Variants in CHST12 observed in about 807,000 individuals in gnomAD.
The protein encoded by CHST12 is carbohydrate (chondroitin 4) sulfotransferase 12.
In CHST12, 23 loss-of-function variants were observed where a neutral mutation model predicts 27.9. The ratio of observed to expected loss-of-function variants is 0.82; its 90% confidence interval spans 0.59 to 1.17. CHST12 has a LOEUF of 1.17. Ranked by LOEUF, CHST12 falls within the 50% of genes most tolerant of loss-of-function variation. The pLI is 0.00. For synonymous variants in CHST12, 322 were observed against 273.0 expected (o/e 1.18, Z -1.77); for missense variants, 682 against 603.0 (o/e 1.13, Z -1.37).
chr7:2,448,162 C>G lies in CHST12; in HGVS notation c.*14278C>G, dbSNP rs1368106322. The stretch of plus-strand genomic sequence containing the variant: ...GGATTACAGGCATGAGCCGCCGTGC[C>G]TGGCCACAAACATATTTTAAATTTG... On this transcript the variant is annotated 3_prime_UTR_variant, in exon 2 of 2. Coordinates refer to ENST00000618655, the MANE Select transcript of CHST12 (RefSeq NM_018641.5). 2 of 152,262 alleles carry G rather than the reference C, an allele frequency of 1.3e-5. No individual in the cohort carries two copies. Among genetic ancestry groups the G allele is most frequent in the Non-Finnish European group, 2.9e-5 (2 of 68,074 alleles). 9.4% of individuals were successfully genotyped at this position (152,262 alleles called of 1,614,324 possible).
rs1260009482 is a variant in CHST12 at position 2,444,181 on chromosome 7, G to C, written c.*10297G>C. ...CGCCTGTAGTCCCAGCTACTTGGGA[G>C]GCTGAGGCAGGAGAATGGCGTGAAC... is the stretch of plus-strand genomic sequence containing the variant. On this transcript the variant is annotated 3_prime_UTR_variant, in exon 2 of 2. Transcript: ENST00000618655. The C allele has an allele frequency of 6.7e-6, 1 of 149,342 alleles. No individual in the cohort carries two copies. Among genetic ancestry groups the C allele is most frequent in the Non-Finnish European group, 1.5e-5 (1 of 67,036 alleles). The allele number at this position is 149,342 out of a possible 1,614,324, so 9.3% of individuals were successfully genotyped here.
chr7:2,426,601 C>T (rs1782127420), intron 1 of CHST12, among the ~76,000 whole-genome samples: 1 of 151,426 alleles, frequency 6.6e-6, no homozygotes, highest in Admixed American at 6.6e-5. Context: ...GGTACTCACT[C>T]TTGCACCCTT....
Position 2,433,074 on chromosome 7 carries a change from A to G in CHST12, c.435A>G (p.Ala145=). 1.9e-6 allele frequency: 3 copies of G among 1,612,356 alleles called. No homozygotes were observed. Among genetic ancestry groups the G allele is most frequent in the Middle Eastern group, 1.6e-4 (1 of 6,062 alleles). The change falls in exon 2 of 2, where the codon GCA becomes GCG. Residue 145 remains alanine, a synonymous_variant. Transcript: ENST00000618655. The surrounding 1 kb of genome is among the most constrained non-coding windows in gnomAD (Gnocchi z 6.1). ...TGGCCTTCCCCACCAAGGAGCGCGCATTCGACGACATCCCCAACTCGGAGC... is the reference window on the plus strand; with the variant it reads ...TGGCCTTCCCCACCAAGGAGCGCGCGTTCGACGACATCCCCAACTCGGAGC... ...SSLAFPTKER[A]FDDIPNSELS...
chr7:2,441,394 A>G lies in CHST12; in HGVS notation c.*7510A>G, dbSNP rs186084663. On this transcript the variant is annotated 3_prime_UTR_variant, in exon 2 of 2. Coordinates refer to ENST00000618655, the MANE Select transcript of CHST12 (RefSeq NM_018641.5). ...AAATGCTTTCTTCACTCGTTTAAAT[A>G]GTAATGATAAGAATATGGCTGCAGG... is the stretch of plus-strand genomic sequence containing the variant. The G allele has an allele frequency of 3.0e-4, 46 of 152,348 alleles. No homozygotes were observed. Among genetic ancestry groups the G allele is most frequent in the African/African-American group, 1.1e-3 (46 of 41,578 alleles). The allele number at this position is 152,348 out of a possible 1,614,324, so 9.4% of individuals were successfully genotyped here.
intron 1 of CHST12, among the ~76,000 whole-genome samples, chr7:2,406,708 G>A (rs998627409): frequency 6.6e-6 from 1 of 152,136 alleles, no homozygotes; most frequent in Non-Finnish European, 1.5e-5. Flanking sequence ...TCCCCAGTCA[G>A]CAGACCCAGC....
rs1782611186 is a variant in CHST12, at chr7:2,441,727, A to G, written c.*7843A>G. 6.7e-6 allele frequency: 1 copy of G among 149,528 alleles called. No homozygotes were observed. Among genetic ancestry groups the G allele is most frequent in the South Asian group, 2.1e-4 (1 of 4,706 alleles). 9.3% of individuals were successfully genotyped at this position (149,528 alleles called of 1,614,324 possible). On this transcript the variant is annotated 3_prime_UTR_variant, in exon 2 of 2. Transcript: ENST00000618655. Reference sequence around the variant, plus strand: ...AAAAAAAAAAAAGGTGTTGTATTTTATCATTAGAAGGCCATCCTGTTTAGA... The same window carrying G: ...AAAAAAAAAAAAGGTGTTGTATTTTGTCATTAGAAGGCCATCCTGTTTAGA...
chr7:2,432,422 C>G (rs1467327189), intron 1 of CHST12, 141 bp from the exon 2 acceptor site: 2 of 596,498 alleles, frequency 3.4e-6, no homozygotes, highest in Admixed American at 3.0e-5. Flanking sequence ...ACCTCAGCCT[C>G]CAGCCCCTCT....
intron 1 of CHST12, among the ~76,000 whole-genome samples, chr7:2,425,978 A>G (rs1434671335): frequency 6.6e-6 from 1 of 152,100 alleles, no homozygotes; most frequent in Non-Finnish European, 1.5e-5. Flanking sequence ...GGCAGAAGGC[A>G]GTAAGCTGGA....
Position 2,433,665 on chromosome 7 carries a change from G to A in CHST12, c.1026G>A (p.Leu342=), listed in dbSNP as rs1432185189. The A allele has an allele frequency of 1.9e-6, 3 of 1,613,592 alleles. No individual in the cohort carries two copies. Among genetic ancestry groups the A allele is most frequent in the East Asian group, 4.5e-5 (2 of 44,864 alleles). The change falls in exon 2 of 2, where the codon CTG becomes CTA. Residue 342 remains leucine (L), a synonymous_variant. Coordinates refer to ENST00000618655, the MANE Select transcript of CHST12 (RefSeq NM_018641.5). The surrounding 1 kb of genome is among the most constrained non-coding windows in gnomAD (Gnocchi z 6.1). ...CQIDYDFVGK[L]ETLDEDAAQL... is the part of the protein sequence containing the mutation. ...TCGACTACGACTTCGTGGGGAAGCT[G>A]GAGACTCTGGACGAGGACGCCGCGC...
chr7:2,407,582 C>T (rs538758000), intron 1 of CHST12, among the ~76,000 whole-genome samples: 11 of 152,262 alleles, frequency 7.2e-5, no homozygotes, highest in African/African-American at 2.2e-4. Context: ...GCCAGTACCA[C>T]GGGTGAAAAT....
Position 2,440,089 on chromosome 7 carries a change from C to G in CHST12, c.*6205C>G, listed in dbSNP as rs1782565211. 6.6e-6 allele frequency: 1 copy of G among 152,346 alleles called. No individual in the cohort carries two copies. The highest frequency in any genetic ancestry group is 2.4e-5 in the African/African-American group (1 of 41,424). The allele number at this position is 152,346 out of a possible 1,614,324, so 9.4% of individuals were successfully genotyped here. The stretch of plus-strand genomic sequence containing the variant: ...AAGGACACCTGGTTTGAAGGCTTCT[C>G]TGTGTCTGTCCGTGGGCGCTACTGA... On this transcript the variant is annotated 3_prime_UTR_variant, in exon 2 of 2. Transcript: ENST00000618655.
intron 1 of CHST12, among the ~76,000 whole-genome samples, chr7:2,422,662 A>G (rs887687175): frequency 6.6e-6 from 1 of 151,940 alleles, no homozygotes; most frequent in Non-Finnish European, 1.5e-5. Context: ...CAGCCTCCCC[A>G]GTAGCTGGGA....
At chr7:2,430,948 C>G (rs1403782163) in intron 1 of CHST12, among the ~76,000 whole-genome samples, 1 of 152,190 alleles carries the variant, frequency 6.6e-6, no homozygotes, top group Non-Finnish European at 1.5e-5. Context: ...GTTTTGTGGA[C>G]ACTTAGAAAA....
intron 1 of CHST12, among the ~76,000 whole-genome samples, 192 bp downstream of exon 1, chr7:2,403,865 C>T (rs952390955): frequency 1.6e-4 from 25 of 152,004 alleles, no homozygotes; most frequent in Admixed American, 3.9e-4. Flanking sequence ...GTGACCTTGG[C>T]CCTGCGCGCG....
intron 1 of CHST12, among the ~76,000 whole-genome samples, chr7:2,419,913 C>T (rs1004249266): frequency 6.7e-6 from 1 of 148,512 alleles, no homozygotes; most frequent in African/African-American, 2.5e-5. Context: ...CTTTCTGTCT[C>T]TAGGAATTTA....
chr7:2,435,015 A>C lies in CHST12; in HGVS notation c.*1131A>C, dbSNP rs1297152662. 6.6e-6 allele frequency: 1 copy of C among 152,288 alleles called. No homozygotes were observed. The highest frequency in any genetic ancestry group is 2.4e-5 in the African/African-American group (1 of 41,442). The allele number at this position is 152,288 out of a possible 1,614,324, so 9.4% of individuals were successfully genotyped here. On this transcript the variant is annotated 3_prime_UTR_variant, in exon 2 of 2. Coordinates refer to ENST00000618655, the MANE Select transcript of CHST12 (RefSeq NM_018641.5). ...AGGATCACTTGAGCCCAGGAGTTCAAGATCAGTTTGGACCACATAGCGAGA... is the reference window on the plus strand; with the variant it reads ...AGGATCACTTGAGCCCAGGAGTTCACGATCAGTTTGGACCACATAGCGAGA...
chr7:2,416,533 AC>A (rs1219507881), intron 1 of CHST12, among the ~76,000 whole-genome samples: 1 of 152,220 alleles, frequency 6.6e-6, no homozygotes, highest in African/African-American at 2.4e-5. Flanking sequence ...TAATAATAAG[AC>A]CTAAAAGTCA....
intron 1 of CHST12, among the ~76,000 whole-genome samples, chr7:2,415,069 A>C (rs772056951): frequency 6.6e-6 from 1 of 152,198 alleles, no homozygotes; most frequent in Non-Finnish European, 1.5e-5. Flanking sequence ...CCCAGTGCAT[A>C]TAAAAGTTAT....
rs1316550463 is a variant in CHST12, at chr7:2,441,079, C to T, written c.*7195C>T. 6.6e-6 allele frequency: 1 copy of T among 152,408 alleles called. No homozygotes were observed. Among genetic ancestry groups the T allele is most frequent in the Middle Eastern group, 3.4e-3 (1 of 294 alleles). The allele number at this position is 152,408 out of a possible 1,614,324, so 9.4% of individuals were successfully genotyped here. A position where few individuals can be genotyped will look rare whatever the true frequency, so the allele number is the denominator to read the frequency against. On this transcript the variant is annotated 3_prime_UTR_variant, in exon 2 of 2. Transcript: ENST00000618655. ...TGCAGGCCCCATGCTCCGTGAGAGC[C>T]TTGACCTGGGTCAGCAGGGGCGGCT...
Sources: allele counts gnomAD v4.1 joint callset (sites outside exome capture counted in the v4.1 genomes callset), GRCh38; gene constraint gnomAD v4.1.1; non-coding constraint Gnocchi (gnomAD v3.1); transcripts MANE v1.5; gene names NCBI Gene and HGNC (gene_info 2026-07-23, HGNC 2026-07-21).